The following SETD2 variants were observed in gnomAD, a reference collection of about 807,000 sequenced individuals.
SETD2 encodes SET domain containing 2, histone lysine methyltransferase, also known as histone-lysine N-methyltransferase SETD2.
A neutral mutation model predicts 242.1 loss-of-function variants in SETD2; 31 were observed. The ratio of observed to expected loss-of-function variants is 0.13; its 90% CI spans 0.10 to 0.17. SETD2 has a LOEUF of 0.17. Among genes scored for constraint, SETD2 ranks in the 10% least tolerant of loss-of-function variants. The pLI is 1.00. For synonymous variants in SETD2, 1,006 were observed against 1,066.5 expected (o/e 0.94, Z 1.11); for missense variants, 2,481 against 3,046.3 (o/e 0.81, Z 4.37).
At position 47,116,746 on chromosome 3, in the gene SETD2, T is replaced by C. The variant is rs2107729066; in HGVS notation, c.4463A>G (p.Asn1488Ser). The change falls in exon 4 of 21, where the codon AAT becomes AGT. Residue 1488 changes from asparagine to serine, a missense_variant. By Grantham distance (46) the Asn-to-Ser change is conservative. Around this residue, in one of 17 missense-constraint regions of SETD2, gnomAD observed 48 missense variants for 76.6 expected, o/e 0.63. Transcript: ENST00000409792. ...ENVYLTERKK[N>S]KSHRDIKRMQ... ...TCGCTTAATATCTCGATGAGATTTA[T>C]TCTTCTTTCTATTGGGTAAAATTTC... is the stretch of plus-strand genomic sequence containing the variant. 1.3e-6 allele frequency: 2 copies of C among 1,595,352 alleles called. No homozygotes were observed. Among genetic ancestry groups the C allele is most frequent in the South Asian group, 1.1e-5 (1 of 88,972 alleles).
chr3:47,059,711 C>G (rs1057130938), intron 14 of SETD2, among the ~76,000 whole-genome samples: 3 of 152,270 alleles, frequency 2.0e-5, no homozygotes, highest in Admixed American at 2.0e-4. Flanking sequence ...AGCCACCACG[C>G]CTGGCTGGGA....
intron 15 of SETD2, 173 bp from the exon 16 acceptor site, chr3:47,046,794 C>A: frequency 2.5e-6 from 1 of 392,804 alleles, no homozygotes; most frequent in Non-Finnish European, 4.4e-6. Flanking sequence ...CCCAAAGTTT[C>A]TTTTTTTACT....
rs1366595264 is a variant in SETD2 at position 47,124,260 on chromosome 3, T to C, written c.376A>G (p.Thr126Ala). 1.9e-6 allele frequency: 3 copies of C among 1,551,598 alleles called. No individual in the cohort carries two copies. The highest frequency in any genetic ancestry group is 2.6e-6 in the Non-Finnish European group (3 of 1,146,978). ...TTTGGTGGGGAAGATTCTTCTGCAG[T>C]AGATAAGGTATCACCAATTTCCATT... ...MKMEIGDTLS[T>A]AEESSPPKSR... Residue 126 changes from threonine to alanine, a missense_variant, in exon 3 of 21, where the codon ACT (threonine) becomes GCT (alanine). By Grantham distance (58) the Thr-to-Ala change is moderately conservative. Around this residue, in one of 17 missense-constraint regions of SETD2, gnomAD observed 334 missense variants for 374.5 expected, o/e 0.89. Coordinates refer to ENST00000409792, the MANE Select transcript of SETD2 (RefSeq NM_014159.7).
intron 18 of SETD2, among the ~76,000 whole-genome samples, chr3:47,025,303 C>T (rs2038422751): frequency 6.6e-6 from 1 of 152,172 alleles, no homozygotes; most frequent in South Asian, 2.1e-4. Context: ...GCTTTTCAGT[C>T]TTGGCAAGAT....
At chr3:47,118,788 A>G (rs2042961779) in intron 3 of SETD2, among the ~76,000 whole-genome samples, 1 of 152,098 alleles carries the variant, frequency 6.6e-6, no homozygotes, top group Non-Finnish European at 1.5e-5. Flanking sequence ...CTGATTCTCA[A>G]TGCTAAAGAA....
Position 47,084,080 on chromosome 3 carries a change from T to C in SETD2, c.5700A>G (p.Leu1900=), listed in dbSNP as rs778869034. The C allele has an allele frequency of 1.2e-6, 2 of 1,614,108 alleles. No homozygotes were observed. The highest frequency in any genetic ancestry group is 1.7e-6 in the Non-Finnish European group (2 of 1,180,034). ...GATCCTCTTTGCCATCCTTGCCTTC[T>C]AGCTCACTGGTTGCATCAGAGATTG... ...DSAISDATSE[L]EGKDGKEDLD... is the part of the protein sequence containing the mutation. Residue 1900 remains leucine (L), a synonymous_variant, in exon 12 of 21, where the codon CTA becomes CTG. Transcript: ENST00000409792.
intron 15 of SETD2, among the ~76,000 whole-genome samples, chr3:47,054,878 T>C (rs1158900096): frequency 1.3e-5 from 2 of 152,172 alleles, no homozygotes; most frequent in Non-Finnish European, 1.5e-5. Context: ...TATATGTATA[T>C]GTACACACAC....
rs377123163 is a variant in SETD2 at position 47,163,932 on chromosome 3, G to T, written c.-8C>A. ...CGGCTGCAGCTGCTTCATCGGGAGC[G>T]GCTGGAGACGGCGACGCGAGCCCCC... On this transcript the variant is annotated 5_prime_UTR_variant, in exon 1 of 21. Coordinates refer to ENST00000409792, the MANE Select transcript of SETD2 (RefSeq NM_014159.7). 87 of 1,292,782 alleles carry T rather than the reference G, an allele frequency of 6.7e-5. No individual in the cohort carries two copies. The African/African-American group carries it at 1.0e-3, about 15-fold the overall frequency. The allele number at this position is 1,292,782 out of a possible 1,614,324, so 80.1% of individuals were successfully genotyped here. A position where few individuals can be genotyped will look rare whatever the true frequency, so the allele number is the denominator to read the frequency against.
At chr3:47,090,042 G>A (rs954381975) in intron 9 of SETD2, among the ~76,000 whole-genome samples, 2 of 152,194 alleles carry the variant, frequency 1.3e-5, no homozygotes, top group Admixed American at 6.5e-5. Flanking sequence ...GAGGTCAGGA[G>A]TTCAAGACGA....
Position 47,017,098 on chromosome 3 carries a change from C to T in SETD2, c.7690G>A (p.Glu2564Lys), listed in dbSNP as rs780004717. ...CTCCCACCCTGGCCCAACAGTCACTCTAATTCAGTGTCCTCTTTGGGTTTG... is the reference window on the plus strand; with the variant it reads ...CTCCCACCCTGGCCCAACAGTCACTTTAATTCAGTGTCCTCTTTGGGTTTG... Reference protein sequence around the residue: ...VYKPKEDTELE With the variant: ...VYKPKEDTELK Residue 2564 changes from glutamate to lysine, a missense_variant, in exon 21 of 21, where the codon GAG becomes AAG. Around this residue, in one of 17 missense-constraint regions of SETD2, gnomAD observed 29 missense variants for 46.7 expected, o/e 0.62. Coordinates refer to ENST00000409792, the MANE Select transcript of SETD2 (RefSeq NM_014159.7). This position sits in a 1 kb window ranked among gnomAD's most constrained non-coding sequence, Gnocchi z 4.8. The T allele has an allele frequency of 6.2e-7, 1 of 1,614,102 alleles. No homozygotes were observed. Among genetic ancestry groups the T allele is most frequent in the Non-Finnish European group, 8.5e-7 (1 of 1,180,008 alleles).
intron 1 of SETD2, among the ~76,000 whole-genome samples, chr3:47,132,496 C>T (rs1360153554): frequency 6.6e-6 from 1 of 152,096 alleles, no homozygotes; most frequent in African/African-American, 2.4e-5. Flanking sequence ...CAAACAAAAA[C>T]AAAACTAGAT....
In SETD2 at chr3:47,056,828, A is replaced by C. The variant is rs1281517794; in HGVS notation, c.6956T>G (p.Ile2319Ser). 6.2e-7 allele frequency: 1 copy of C among 1,612,088 alleles called. No homozygotes were observed. Among genetic ancestry groups the C allele is most frequent in the African/African-American group, 1.3e-5 (1 of 74,920 alleles). Residue 2319 changes from isoleucine to serine, a missense_variant, in exon 15 of 21, where the codon ATT becomes AGT. Coordinates refer to ENST00000409792, the MANE Select transcript of SETD2 (RefSeq NM_014159.7). ...AGTTTCAGAATTAGTTACCTGTACA[A>C]TTGGTGGAGTTGTCTGTGAATAAGG... ...TSPYSQTTPP[I>S]VQSYAQPSLQ...
At chr3:47,106,481 G>A (rs1208848749) in intron 5 of SETD2, among the ~76,000 whole-genome samples, 1 of 98,358 alleles carries the variant, frequency 1.0e-5, no homozygotes, top group Non-Finnish European at 1.9e-5. Flanking sequence ...AAAAGTTAGA[G>A]GATTTTTGCT....
chr3:47,046,379 GAAAAAAAAACCCA>G, intron 16 of SETD2, 95 bp downstream of exon 16: 4 of 883,092 alleles, frequency 4.5e-6, no homozygotes, highest in Non-Finnish European at 6.3e-6. Flanking sequence ...AAGAACACGT[GAAAAAAAAACCCA>G]AAAATAAAAC....
intron 12 of SETD2, among the ~76,000 whole-genome samples, chr3:47,080,605 A>C (rs909898068): frequency 6.6e-6 from 1 of 152,228 alleles, no homozygotes; most frequent in Admixed American, 6.5e-5. Flanking sequence ...TTTCTTCTGC[A>C]AACAGAAATA....
At chr3:47,062,564 C>T (rs1370485309) in intron 13 of SETD2, among the ~76,000 whole-genome samples, 2 of 151,996 alleles carry the variant, frequency 1.3e-5, no homozygotes, top group African/African-American at 4.8e-5. Flanking sequence ...CACAAATGCC[C>T]TTTTCTCCTC....
intron 15 of SETD2, among the ~76,000 whole-genome samples, chr3:47,056,285 C>T (rs570398515): frequency 2.5e-4 from 38 of 151,596 alleles, no homozygotes; most frequent in Middle Eastern, 3.4e-3. Flanking sequence ...CCACCATGGC[C>T]GGCTAATTTT....
intron 2 of SETD2, among the ~76,000 whole-genome samples, chr3:47,125,301 A>G (rs1216570064): frequency 1.3e-5 from 2 of 151,056 alleles, no homozygotes; most frequent in African/African-American, 4.9e-5. Flanking sequence ...CCTGGGCAAC[A>G]GAGCGAGCCT....
chr3:47,109,772 A>G (rs2042578737), intron 5 of SETD2, among the ~76,000 whole-genome samples: 1 of 152,062 alleles, frequency 6.6e-6, no homozygotes, highest in African/African-American at 2.4e-5. Flanking sequence ...GATCACCTGT[A>G]GTCAGGAGTT....
Sources: gnomAD v4.1 joint callset for allele counts (sites outside exome capture counted in the v4.1 genomes callset) on GRCh38, gnomAD v4.1.1 for gene constraint, gnomAD v4.1.1 regional missense constraint, Gnocchi (gnomAD v3.1) non-coding constraint, MANE v1.5 for transcripts, NCBI Gene and HGNC (gene_info 2026-07-23, HGNC 2026-07-21) for gene names.